The following DGKI variants were observed in gnomAD, a reference collection of about 807,000 sequenced individuals.
DGKI encodes the protein diacylglycerol kinase iota.
In DGKI, 55 loss-of-function variants were observed where a neutral mutation model predicts 147.5. The observed-to-expected ratio is 0.37, with a 90% CI of 0.30 to 0.47. The LOEUF is 0.47. Among genes scored for constraint, DGKI ranks in the 20% least tolerant of loss-of-function variants. DGKI has a pLI of 1.00. For missense variants in DGKI, 1,007 were observed against 1,323.8 expected, an observed-to-expected ratio of 0.76 and a Z score of 3.71; for synonymous variants, 469 against 477.1, an observed-to-expected ratio of 0.98 and a Z score of 0.22.
intron 21 of DGKI, among the ~76,000 whole-genome samples, chr7:137,494,939 G>A (rs148641329): frequency 2.6e-5 from 4 of 152,034 alleles, no homozygotes; most frequent in Admixed American, 6.5e-5. Flanking sequence ...GGTCACATGC[G>A]ATGACACACA....
intron 8 of DGKI, among the ~76,000 whole-genome samples, chr7:137,615,752 A>C (rs1368034140): frequency 1.3e-5 from 2 of 152,160 alleles, no homozygotes; most frequent in Non-Finnish European, 2.9e-5. Context: ...ATCTATGAAC[A>C]GATCAGAGAC....
At chr7:137,661,085 C>T (rs1482799507) in intron 3 of DGKI, among the ~76,000 whole-genome samples, 1 of 152,162 alleles carries the variant, frequency 6.6e-6, no homozygotes, top group Non-Finnish European at 1.5e-5. Context: ...ACACGGCAAG[C>T]TTTATTTCTT....
At chr7:137,675,728 C>A (rs184772412) in intron 3 of DGKI, among the ~76,000 whole-genome samples, 1 of 148,532 alleles carries the variant, frequency 6.7e-6, no homozygotes, top group Admixed American at 6.7e-5. Context: ...TCAAGTCCAA[C>A]TCCAAGCATA....
chr7:137,483,613 C>A (rs1051746599), intron 23 of DGKI, among the ~76,000 whole-genome samples: 2 of 152,028 alleles, frequency 1.3e-5, no homozygotes, highest in Admixed American at 1.3e-4. Flanking sequence ...ACCCTTACAA[C>A]AGGCCCTAGT....
At chr7:137,425,946 G>A (rs2128908618) in intron 28 of DGKI, among the ~76,000 whole-genome samples, 1 of 152,280 alleles carries the variant, frequency 6.6e-6, no homozygotes, top group South Asian at 2.1e-4. Context: ...AAGTGACGGG[G>A]AGAATGGAAC....
At chr7:137,447,594 G>C (rs1813764508) in intron 27 of DGKI, among the ~76,000 whole-genome samples, 1 of 152,182 alleles carries the variant, frequency 6.6e-6, no homozygotes, top group Non-Finnish European at 1.5e-5. Flanking sequence ...ATATGAAATT[G>C]CATAGAATCC....
At chr7:137,728,467 C>G (rs1190517967) in intron 1 of DGKI, among the ~76,000 whole-genome samples, 1 of 152,124 alleles carries the variant, frequency 6.6e-6, no homozygotes, top group African/African-American at 2.4e-5. Context: ...AATAGTTTAG[C>G]CCCAGCACTA....
intron 30 of DGKI, among the ~76,000 whole-genome samples, chr7:137,398,368 G>A (rs1811629791): frequency 1.3e-5 from 2 of 152,052 alleles, no homozygotes; most frequent in East Asian, 3.9e-4. Context: ...TTAAAGTTTT[G>A]GCCCATGCTT....
At chr7:137,545,819 A>C in intron 20 of DGKI, 1 of 619,238 alleles carries the variant, frequency 1.6e-6, no homozygotes, top group Non-Finnish European at 3.0e-6. Flanking sequence ...CAGACCTGTG[A>C]AGGCAAGGGA....
chr7:137,385,887 T>C lies in DGKI; in HGVS notation c.*5333A>G, dbSNP rs1256438781. On this transcript the variant is annotated 3_prime_UTR_variant, in exon 33 of 33. Coordinates refer to ENST00000614521, the MANE Select transcript of DGKI (RefSeq NM_001321708.2). ...CTGCACTGCACTTATCACATTGGAATTTGTCTTTTCTTCTAGATGCCAGCT... is the reference window on the plus strand; with the variant it reads ...CTGCACTGCACTTATCACATTGGAACTTGTCTTTTCTTCTAGATGCCAGCT... 1.3e-5 allele frequency: 2 copies of C among 152,136 alleles called. No homozygotes were observed. Among genetic ancestry groups the C allele is most frequent in the Non-Finnish European group, 2.9e-5 (2 of 68,008 alleles). The allele number at this position is 152,136 out of a possible 1,614,324, so 9.4% of individuals were successfully genotyped here. A position where few individuals can be genotyped will look rare whatever the true frequency, so the allele number is the denominator to read the frequency against.
chr7:137,432,475 C>T (rs1238187010), intron 28 of DGKI, among the ~76,000 whole-genome samples: 1 of 152,194 alleles, frequency 6.6e-6, no homozygotes, highest in Non-Finnish European at 1.5e-5. Flanking sequence ...CACTTCATCT[C>T]TTCCTGTCTC....
chr7:137,569,437 A>T (rs1454088098), intron 19 of DGKI, among the ~76,000 whole-genome samples: 1 of 151,930 alleles, frequency 6.6e-6, no homozygotes, highest in East Asian at 1.9e-4. Context: ...ACCTCCAAGA[A>T]TTCTTCCCTG....
chr7:137,666,066 C>T (rs1822629683), intron 3 of DGKI, among the ~76,000 whole-genome samples: 1 of 152,192 alleles, frequency 6.6e-6, no homozygotes, highest in Non-Finnish European at 1.5e-5. Flanking sequence ...GTAAAAACTA[C>T]AGTCAGAACA....
chr7:137,564,978 C>T (rs1165734217), intron 19 of DGKI, among the ~76,000 whole-genome samples: 2 of 152,154 alleles, frequency 1.3e-5, no homozygotes, highest in East Asian at 1.9e-4. Flanking sequence ...CTCTATATGC[C>T]GCTCTTGGGC....
At position 137,487,782 on chromosome 7, in the gene DGKI, A is replaced by G; in HGVS notation, c.2249-93T>C. ...TTTCTCGTGGTTAAAAAACAATCTC[A>G]TAAATATTATGGGTTTTTTAGATAT... On this transcript the variant is annotated intron_variant, in intron 21 of 32. Coordinates refer to ENST00000614521, the MANE Select transcript of DGKI (RefSeq NM_001321708.2). 2.7e-6 allele frequency: 3 copies of G among 1,128,168 alleles called. No individual in the cohort carries two copies. The Admixed American group carries it at 5.9e-5, about 22-fold the overall frequency. 69.9% of individuals were successfully genotyped at this position (1,128,168 alleles called of 1,614,324 possible).
intron 1 of DGKI, among the ~76,000 whole-genome samples, chr7:137,690,493 A>G (rs1440246914): frequency 6.6e-6 from 1 of 152,216 alleles, no homozygotes; most frequent in African/African-American, 2.4e-5. Flanking sequence ...TCTCGAGAAT[A>G]TCATCCTTTC....
intron 10 of DGKI, among the ~76,000 whole-genome samples, chr7:137,600,719 T>A (rs1819959955): frequency 6.6e-6 from 1 of 152,174 alleles, no homozygotes; most frequent in African/African-American, 2.4e-5. Flanking sequence ...TTTATAGAAA[T>A]AGTTTTTTCT....
At chr7:137,692,993 T>C (rs1823664331) in intron 1 of DGKI, among the ~76,000 whole-genome samples, 1 of 152,208 alleles carries the variant, frequency 6.6e-6, no homozygotes, top group Admixed American at 6.5e-5. Flanking sequence ...TGATTAGAAC[T>C]TTCCATTCTT....
At chr7:137,716,608 A>G (rs952103932) in intron 1 of DGKI, among the ~76,000 whole-genome samples, 7 of 152,230 alleles carry the variant, frequency 4.6e-5, no homozygotes, top group Non-Finnish European at 1.0e-4. Flanking sequence ...TGCTGAACAC[A>G]TGCAGGGTGT....
Sources: gnomAD v4.1 joint callset for allele counts (sites outside exome capture counted in the v4.1 genomes callset) on GRCh38, gnomAD v4.1.1 for gene constraint, MANE v1.5 for transcripts, NCBI Gene and HGNC (gene_info 2026-07-23, HGNC 2026-07-21) for gene names.